The following CCSER1 variants were observed in gnomAD, a reference collection of about 807,000 sequenced individuals.
CCSER1 encodes coiled-coil serine rich protein 1, also known as serine-rich coiled-coil domain-containing protein 1.
In CCSER1, 41 loss-of-function variants were observed where a neutral mutation model predicts 82.0. The ratio of observed to expected loss-of-function variants is 0.50; its 90% CI spans 0.39 to 0.65. The LOEUF is 0.65. CCSER1 is among the 30% of genes least tolerant of loss of function. The pLI is 0.00. For missense variants in CCSER1, 1,119 were observed against 1,064.2 expected (o/e 1.05, Z -0.72); for synonymous variants, 414 against 383.9 (o/e 1.08, Z -0.92).
chr4:91,447,893 T>A lies in CCSER1; in HGVS notation c.2218-150679T>A, dbSNP rs115371209. Among the ~76,000 whole-genome samples, 551 of 152,246 alleles carry A rather than the reference T, an allele frequency of 3.6e-3. 4 individuals carry two copies. The highest frequency in any genetic ancestry group is 0.013 in the African/African-American group (536 of 41,570). ...GCATGCTTGTGTCTTTAATTTTTTC[T>A]CCTATTGTCTCATAAAGAGTGGTCC... On this transcript the variant is annotated intron_variant, in intron 10 of 10. Coordinates refer to ENST00000509176, the MANE Select transcript of CCSER1 (RefSeq NM_001145065.2).
At chr4:91,186,021 T>C (rs1581734100) in intron 10 of CCSER1, among the ~76,000 whole-genome samples, 1 of 152,128 alleles carries the variant, frequency 6.6e-6, no homozygotes, top group Non-Finnish European at 1.5e-5. Flanking sequence ...TATTCTAACA[T>C]GGAACTGCCA....
intron 4 of CCSER1, among the ~76,000 whole-genome samples, chr4:90,405,158 A>G (rs1389393282): frequency 1.3e-5 from 2 of 152,094 alleles, no homozygotes; most frequent in Non-Finnish European, 2.9e-5. Flanking sequence ...AATAGATAGC[A>G]TAAATAAAAA....
At chr4:90,834,107 T>G (rs1761486785) in intron 8 of CCSER1, among the ~76,000 whole-genome samples, 1 of 152,208 alleles carries the variant, frequency 6.6e-6, no homozygotes, top group Admixed American at 6.5e-5. Flanking sequence ...AAGAGAAGTT[T>G]GATGTGTGCA....
chr4:91,227,080 A>G (rs1738258075), intron 10 of CCSER1, among the ~76,000 whole-genome samples: 1 of 151,934 alleles, frequency 6.6e-6, no homozygotes. Flanking sequence ...CTAGTTACCC[A>G]ATAGTTTATC....
At chr4:90,466,845 A>G (rs2153587211) in intron 4 of CCSER1, among the ~76,000 whole-genome samples, 1 of 152,330 alleles carries the variant, frequency 6.6e-6, no homozygotes, top group South Asian at 2.1e-4. Flanking sequence ...CCTAGAAACG[A>G]TTACAGCTTA....
intron 3 of CCSER1, among the ~76,000 whole-genome samples, chr4:90,317,759 T>A (rs187116329): frequency 6.6e-6 from 1 of 152,376 alleles, no homozygotes; most frequent in African/African-American, 2.4e-5. Flanking sequence ...CTCCTCCTCC[T>A]GTATTCAGGC....
intron 1 of CCSER1, among the ~76,000 whole-genome samples, chr4:90,152,927 C>T (rs1727158967): frequency 6.7e-6 from 1 of 150,192 alleles, no homozygotes; most frequent in South Asian, 2.1e-4. Context: ...GGTACATGTG[C>T]ACAATGTGCA....
chr4:90,176,961 A>G lies in CCSER1; in HGVS notation c.-42+49130A>G, dbSNP rs189438164. Among the ~76,000 whole-genome samples the G allele has an allele frequency of 1.7e-3, 257 of 152,226 alleles. 5 individuals are homozygous for G. Among genetic ancestry groups the G allele is most frequent in the Non-Finnish European group, 2.6e-4 (18 of 68,014 alleles). On this transcript the variant is annotated intron_variant, in intron 1 of 10. Coordinates refer to ENST00000509176, the MANE Select transcript of CCSER1 (RefSeq NM_001145065.2). Reference sequence around the variant, plus strand: ...CTGTTGGTACATGAGTTAGCATTACACTATGAGCAAAACATGAGCAGAGGA... The same window carrying G: ...CTGTTGGTACATGAGTTAGCATTACGCTATGAGCAAAACATGAGCAGAGGA...
chr4:91,232,224 C>CT (rs1675637127), intron 10 of CCSER1, among the ~76,000 whole-genome samples: 1 of 151,808 alleles, frequency 6.6e-6, no homozygotes, highest in Non-Finnish European at 1.5e-5. Flanking sequence ...ATTTCTAGGA[C>CT]TTTATACTTC....
intron 8 of CCSER1, among the ~76,000 whole-genome samples, chr4:90,901,225 C>A (rs897950531): frequency 1.3e-5 from 2 of 151,530 alleles, no homozygotes; most frequent in African/African-American, 4.8e-5. Context: ...ATGGTTGGGT[C>A]TCTCTTTTTT....
chr4:90,426,917 A>T (rs756143196), intron 4 of CCSER1, among the ~76,000 whole-genome samples: 1 of 152,146 alleles, frequency 6.6e-6, no homozygotes. Context: ...CAATGAAAAT[A>T]CTGAACAAAA....
chr4:90,755,058 T>G (rs531015504), intron 7 of CCSER1, among the ~76,000 whole-genome samples: 1 of 152,168 alleles, frequency 6.6e-6, no homozygotes, highest in Non-Finnish European at 1.5e-5. Flanking sequence ...AAAAAAACCA[T>G]ACTTGCTAGC....
intron 10 of CCSER1, among the ~76,000 whole-genome samples, chr4:91,266,882 CT>C (rs1741635006): frequency 2.0e-5 from 3 of 152,104 alleles, no homozygotes; most frequent in African/African-American, 7.2e-5. Context: ...ATTCTTACTA[CT>C]TTTGAACCAT....
chr4:90,139,789 TAAAC>T (rs564073410), intron 1 of CCSER1, among the ~76,000 whole-genome samples: 6 of 151,976 alleles, frequency 3.9e-5, no homozygotes, highest in Non-Finnish European at 5.9e-5. Flanking sequence ...CTGTCTCTAC[TAAAC>T]AAACAAACAA....
intron 10 of CCSER1, among the ~76,000 whole-genome samples, chr4:91,521,076 G>T (rs796982201): frequency 6.6e-6 from 1 of 152,060 alleles, no homozygotes; most frequent in South Asian, 2.1e-4. Context: ...GATGTTCCCC[G>T]CAATGTGTCC....
intron 10 of CCSER1, among the ~76,000 whole-genome samples, chr4:91,418,606 C>A (rs1470426108): frequency 1.3e-5 from 2 of 151,814 alleles, no homozygotes; most frequent in Admixed American, 1.3e-4. Flanking sequence ...ACAATGAAAA[C>A]CTAGAATTTG....
At chr4:90,492,548 T>A (rs1768220834) in intron 5 of CCSER1, among the ~76,000 whole-genome samples, 1 of 152,202 alleles carries the variant, frequency 6.6e-6, no homozygotes, top group Admixed American at 6.5e-5. Context: ...AGTTATTTCT[T>A]GCCTTCTGTT....
chr4:90,249,915 A>G (rs1317564701), intron 1 of CCSER1, among the ~76,000 whole-genome samples: 3 of 152,058 alleles, frequency 2.0e-5, no homozygotes, highest in East Asian at 1.9e-4. Context: ...ATTAATATCA[A>G]TCTCCATTAT....
chr4:91,334,534 A>ACACTCACACACACACATT (rs1293947768), intron 10 of CCSER1, among the ~76,000 whole-genome samples: 16 of 152,198 alleles, frequency 1.1e-4, no homozygotes, highest in East Asian at 5.8e-4. Context: ...AAGAAAACAC[A>ACACTCACACACACACATT]CACTCACACA....
Sources: gnomAD v4.1 joint callset for allele counts (sites outside exome capture counted in the v4.1 genomes callset) on GRCh38, gnomAD v4.1.1 for gene constraint, MANE v1.5 for transcripts, NCBI Gene and HGNC (gene_info 2026-07-23, HGNC 2026-07-21) for gene names.